ADAMTS3: variants seen among roughly 807,000 people sequenced by gnomAD.
ADAMTS3 encodes the protein A disintegrin and metalloproteinase with thrombospondin motifs 3.
ADAMTS3 carries 73 observed loss-of-function variants against 129.0 expected under a neutral mutation model. The observed-to-expected ratio is 0.57, with a 90% confidence interval of 0.47 to 0.69. ADAMTS3 has a LOEUF of 0.69. Among genes scored for constraint, ADAMTS3 ranks in the 30% least tolerant of loss-of-function variants. The pLI, the probability that ADAMTS3 is intolerant of heterozygous loss-of-function variation, is 0.00. For missense variants in ADAMTS3, 1,457 were observed against 1,514.5 expected (o/e 0.96, Z 0.63); for synonymous variants, 477 against 510.8 (o/e 0.93, Z 0.89).
intron 4 of ADAMTS3, among the ~76,000 whole-genome samples, chr4:72,394,462 T>G (rs1721675898): frequency 6.6e-6 from 1 of 152,182 alleles, no homozygotes; most frequent in African/African-American, 2.4e-5. Flanking sequence ...GAAGCTGTCT[T>G]AAGTTCATGG....
chr4:72,336,019 C>CGATA, intron 5 of ADAMTS3, among the ~76,000 whole-genome samples: 2 of 152,210 alleles, frequency 1.3e-5, no homozygotes, highest in South Asian at 4.2e-4. Context: ...TAAATTAAGG[C>CGATA]GATACTCTGA....
intron 5 of ADAMTS3, among the ~76,000 whole-genome samples, chr4:72,324,287 C>T (rs1315116661): frequency 6.6e-6 from 1 of 152,056 alleles, no homozygotes; most frequent in Non-Finnish European, 1.5e-5. Flanking sequence ...TTTGATTTGC[C>T]ACACTAACCA....
rs1721577087 is a variant in ADAMTS3, at chr4:72,549,977, GAA to G, written c.98-1095_98-1094del. ...AAAAAAAAAAAAAGAAGAAGAAGAA[GAA>G]GAAGAAGAAGAAGAGGAAGAGGAAG... On this transcript the variant is annotated intron_variant, in intron 2 of 21. Transcript: ENST00000286657. Among the ~76,000 whole-genome samples the G allele has an allele frequency of 1.1e-4, 3 of 28,438 alleles. 1 individual carries two copies. Among genetic ancestry groups the G allele is most frequent in the African/African-American group, 7.3e-4 (3 of 4,118 alleles). The allele number at this position is 28,438 out of a possible 152,430, so 18.7% of individuals were successfully genotyped here. A position where few individuals can be genotyped will look rare whatever the true frequency, so the allele number is the denominator to read the frequency against.
chr4:72,307,517 A>G (rs918627184), intron 15 of ADAMTS3, among the ~76,000 whole-genome samples: 3 of 151,990 alleles, frequency 2.0e-5, no homozygotes, highest in African/African-American at 7.2e-5. Context: ...AATGTCTTTA[A>G]TTAGTGGAGG....
rs201451725 is a variant in ADAMTS3, at chr4:72,414,809, G to T, written c.661+6C>A. The T allele has an allele frequency of 7.1e-7, 1 of 1,409,786 alleles. No individual in the cohort carries two copies. The highest frequency in any genetic ancestry group is 9.3e-7 in the Non-Finnish European group (1 of 1,078,162). 87.3% of individuals were successfully genotyped at this position (1,409,786 alleles called of 1,614,324 possible). ...TTTCATTATTAAGCTTTGTCAAGAC[G>T]CCTACCTCTGTAGTGGAAGTCTTTG... On this transcript the variant is annotated splice_donor_region_variant and intron_variant, in intron 4 of 21. Transcript: ENST00000286657.
At chr4:72,301,751 A>G (rs1438960203) in intron 17 of ADAMTS3, among the ~76,000 whole-genome samples, 1 of 152,076 alleles carries the variant, frequency 6.6e-6, no homozygotes, top group Non-Finnish European at 1.5e-5. Context: ...GACAAAGGAC[A>G]CCAATCCTTG....
chr4:72,312,319 G>A lies in ADAMTS3; in HGVS notation c.1893C>T (p.His631=). 6.2e-7 allele frequency: 1 copy of A among 1,613,682 alleles called. No homozygotes were observed. Among genetic ancestry groups the A allele is most frequent in the African/African-American group, 1.3e-5 (1 of 75,008 alleles). The change falls in exon 13 of 22, where the codon CAC becomes CAT. Residue 631 remains histidine, a synonymous_variant. Transcript: ENST00000286657. The stretch of plus-strand genomic sequence containing the variant: ...CAGGATGTTCATATGGCAACCAGTG[G>A]TGTTTGGTATTCTGGTATTCAAAGT... The part of the protein sequence containing the change: ...NSHFEYQNTK[H]HWLPYEHPDP...
chr4:72,416,438 G>A (rs1321500483), intron 3 of ADAMTS3, among the ~76,000 whole-genome samples: 1 of 151,852 alleles, frequency 6.6e-6, no homozygotes, highest in East Asian at 1.9e-4. Context: ...CTATGCGACC[G>A]TGTCTCACAA....
chr4:72,432,156 A>G (rs192677835), intron 3 of ADAMTS3, among the ~76,000 whole-genome samples: 2 of 151,984 alleles, frequency 1.3e-5, no homozygotes, highest in East Asian at 3.9e-4. Context: ...GGAGAACTGT[A>G]ATTCCAGTTT....
At chr4:72,351,501 A>C (rs1720435051) in intron 4 of ADAMTS3, among the ~76,000 whole-genome samples, 1 of 151,616 alleles carries the variant, frequency 6.6e-6, no homozygotes. Context: ...CTTGCAACAC[A>C]CAGTATCATA....
chr4:72,536,569 C>T (rs1721190426), intron 3 of ADAMTS3, among the ~76,000 whole-genome samples: 1 of 152,092 alleles, frequency 6.6e-6, no homozygotes, highest in Admixed American at 6.5e-5. Flanking sequence ...CATTAATGCT[C>T]TTGGTAATGC....
intron 2 of ADAMTS3, among the ~76,000 whole-genome samples, chr4:72,563,101 A>G (rs1177297889): frequency 6.6e-6 from 1 of 152,134 alleles, no homozygotes; most frequent in African/African-American, 2.4e-5. Flanking sequence ...GTTTTTTAAC[A>G]TTTCTGAGCA....
intron 2 of ADAMTS3, 108 bp downstream of exon 2, chr4:72,567,266 T>A (rs1202557287): frequency 4.5e-6 from 5 of 1,120,970 alleles, no homozygotes; most frequent in South Asian, 2.8e-5. Flanking sequence ...ACAGATTATT[T>A]TTTTTAACCA....
intron 4 of ADAMTS3, among the ~76,000 whole-genome samples, chr4:72,385,792 C>T (rs917902426): frequency 2.6e-5 from 4 of 152,032 alleles, no homozygotes; most frequent in African/African-American, 9.7e-5. Context: ...TACCCTAAAC[C>T]TCAGCATCAT....
intron 3 of ADAMTS3, among the ~76,000 whole-genome samples, chr4:72,476,727 T>C (rs1719244654): frequency 6.6e-6 from 1 of 152,012 alleles, no homozygotes; most frequent in Non-Finnish European, 1.5e-5. Context: ...TCCTCATAAA[T>C]ATTCATGCAA....
At chr4:72,421,140 G>A (rs554244590) in intron 3 of ADAMTS3, among the ~76,000 whole-genome samples, 1 of 152,332 alleles carries the variant, frequency 6.6e-6, no homozygotes, top group African/African-American at 2.4e-5. Context: ...TGGCCTATAA[G>A]GCCCTCCATG....
chr4:72,344,278 T>A (rs770766000), intron 4 of ADAMTS3, among the ~76,000 whole-genome samples: 1 of 152,160 alleles, frequency 6.6e-6, no homozygotes, highest in African/African-American at 2.4e-5. Context: ...ATATGCTTAA[T>A]CATACTTATA....
At position 72,281,413 on chromosome 4, in the gene ADAMTS3, T is replaced by G. The variant is rs1718338282; in HGVS notation, c.*1723A>C. ...AGGTTAATTCATCTACATTTTAGTT[T>G]GTATAATATATTTTTAGACAGCTCA... On this transcript the variant is annotated 3_prime_UTR_variant, in exon 22 of 22. Coordinates refer to ENST00000286657, the MANE Select transcript of ADAMTS3 (RefSeq NM_014243.3). 6.6e-6 allele frequency: 1 copy of G among 152,616 alleles called. No individual in the cohort carries two copies. 9.5% of individuals were successfully genotyped at this position (152,616 alleles called of 1,614,324 possible). A position where few individuals can be genotyped will look rare whatever the true frequency, so the allele number is the denominator to read the frequency against.
intron 11 of ADAMTS3, among the ~76,000 whole-genome samples, chr4:72,314,649 T>C (rs1719342286): frequency 2.0e-5 from 3 of 152,192 alleles, no homozygotes; most frequent in Non-Finnish European, 4.4e-5. Flanking sequence ...ATTATATAAT[T>C]TTTTATAAAG....
Sources: allele counts gnomAD v4.1 joint callset (sites outside exome capture counted in the v4.1 genomes callset), GRCh38; gene constraint gnomAD v4.1.1; transcripts MANE v1.5; gene names NCBI Gene and HGNC (gene_info 2026-07-23, HGNC 2026-07-21).